The following CDC73 variants were observed in gnomAD, a reference collection of about 807,000 sequenced individuals.
CDC73 encodes cell division cycle 73.
A neutral mutation model predicts 83.7 loss-of-function variants in CDC73; 21 were observed. The ratio of observed to expected loss-of-function variants is 0.25; its 90% confidence interval spans 0.18 to 0.36. The LOEUF (loss-of-function observed/expected upper bound fraction) is 0.36, where lower values mean the gene tolerates loss of function less well. Among genes scored for constraint, CDC73 ranks in the 10% least tolerant of loss-of-function variants. The probability of loss-of-function intolerance (pLI) is 1.00; values close to 1 mark genes in which losing one functional copy is unlikely to be tolerated. For missense variants in CDC73, 342 were observed against 653.3 expected (o/e 0.52, Z 5.19); for synonymous variants, 224 against 212.9 (o/e 1.05, Z -0.45).
At chr1:193,214,281 TATGTATA>T (rs1299947516) in intron 13 of CDC73, among the ~76,000 whole-genome samples, 5 of 152,250 alleles carry the variant, frequency 3.3e-5, no homozygotes, top group Non-Finnish European at 7.3e-5. Context: ...TCCAGGTGTT[TATGTATA>T]AAGTTCCCGT....
intron 13 of CDC73, among the ~76,000 whole-genome samples, chr1:193,219,934 A>G (rs1572206944): frequency 6.6e-6 from 1 of 152,200 alleles, no homozygotes; most frequent in Non-Finnish European, 1.5e-5. Context: ...TCTTGATAGT[A>G]GTGTGATAAT....
At chr1:193,174,011 G>A (rs1676563108) in intron 10 of CDC73, among the ~76,000 whole-genome samples, 1 of 152,062 alleles carries the variant, frequency 6.6e-6, no homozygotes, top group South Asian at 2.1e-4. Flanking sequence ...CATTCCTGAA[G>A]AAAGTCTTAA....
chr1:193,211,429 C>A (rs1677278982), intron 11 of CDC73, among the ~76,000 whole-genome samples: 1 of 152,124 alleles, frequency 6.6e-6, no homozygotes. Context: ...TTTTTCTCTT[C>A]AACTTAGTAG....
chr1:193,240,307 A>G (rs1427862419), intron 15 of CDC73, among the ~76,000 whole-genome samples: 3 of 152,222 alleles, frequency 2.0e-5, no homozygotes, highest in Non-Finnish European at 4.4e-5. Context: ...TGTTGTGAAT[A>G]GTGCTACAGT....
At chr1:193,153,135 A>G (rs1676150592) in intron 10 of CDC73, among the ~76,000 whole-genome samples, 1 of 152,198 alleles carries the variant, frequency 6.6e-6, no homozygotes, top group Middle Eastern at 3.2e-3. Context: ...AATGCTTACA[A>G]AGTATGTAAT....
chr1:193,132,260 C>T (rs1356351250), intron 3 of CDC73, among the ~76,000 whole-genome samples: 1 of 152,164 alleles, frequency 6.6e-6, no homozygotes, highest in Non-Finnish European at 1.5e-5. Context: ...GGAATGCTTT[C>T]TTCCTATGCT....
intron 13 of CDC73, among the ~76,000 whole-genome samples, chr1:193,213,578 A>C (rs1442834274): frequency 6.6e-6 from 1 of 152,198 alleles, no homozygotes; most frequent in Non-Finnish European, 1.5e-5. Context: ...AGTTGGAGCG[A>C]AGGTGGTTAA....
intron 10 of CDC73, among the ~76,000 whole-genome samples, chr1:193,192,671 G>T (rs546699969): frequency 6.6e-6 from 1 of 152,150 alleles, no homozygotes; most frequent in South Asian, 2.1e-4. Flanking sequence ...GATGAATAAC[G>T]TACTCAGACA....
intron 10 of CDC73, among the ~76,000 whole-genome samples, chr1:193,162,259 A>AT (rs1676345051): frequency 9.1e-5 from 11 of 120,620 alleles, no homozygotes; most frequent in South Asian, 4.7e-4. Flanking sequence ...TAAATATAGT[A>AT]TATATAATAG....
At chr1:193,158,830 T>C (rs1340616745) in intron 10 of CDC73, among the ~76,000 whole-genome samples, 1 of 152,198 alleles carries the variant, frequency 6.6e-6, no homozygotes, top group Non-Finnish European at 1.5e-5. Context: ...TAAGATAGTA[T>C]GTATATAATA....
intron 10 of CDC73, among the ~76,000 whole-genome samples, chr1:193,174,949 A>G (rs1458339675): frequency 2.0e-5 from 3 of 152,198 alleles, no homozygotes; most frequent in Non-Finnish European, 4.4e-5. Flanking sequence ...TCATTGAGTC[A>G]AGTTGTAATT....
At chr1:193,130,557 G>A (rs938689522) in intron 3 of CDC73, among the ~76,000 whole-genome samples, 7 of 152,126 alleles carry the variant, frequency 4.6e-5, no homozygotes, top group Non-Finnish European at 8.8e-5. Flanking sequence ...AATACCTACA[G>A]TAAGATTTCA....
intron 10 of CDC73, chr1:193,181,194 G>A (rs1371336341): frequency 2.5e-6 from 4 of 1,613,424 alleles, no homozygotes; most frequent in South Asian, 2.2e-5. Context: ...CTTTTTCATT[G>A]TAAATACTTC....
intron 10 of CDC73, among the ~76,000 whole-genome samples, chr1:193,174,259 C>T (rs935138145): frequency 1.3e-5 from 2 of 152,062 alleles, no homozygotes; most frequent in Admixed American, 1.3e-4. Context: ...CTTAATAAGA[C>T]TGATTCCTTC....
chr1:193,148,301 T>G (rs532661721), intron 8 of CDC73, among the ~76,000 whole-genome samples: 1 of 152,250 alleles, frequency 6.6e-6, no homozygotes, highest in South Asian at 2.1e-4. Flanking sequence ...CATAAATCCC[T>G]GTTAACTCCC....
rs533552763 is a variant in CDC73, at chr1:193,151,671, C to T, written c.908-709C>T. ...ATTGCTGTAGCTCACACCTGTAATC[C>T]CAGCACTTTTGGAGGTGGAGGCAGG... On this transcript the variant is annotated intron_variant, in intron 9 of 16. Coordinates refer to ENST00000367435, the MANE Select transcript of CDC73 (RefSeq NM_024529.5). Among the ~76,000 whole-genome samples the T allele has an allele frequency of 3.3e-5, 5 of 152,238 alleles. 1 individual carries two copies. The South Asian group carries it at 6.2e-4, about 19-fold the overall frequency.
At chr1:193,238,161 T>A (rs576714824) in intron 15 of CDC73, among the ~76,000 whole-genome samples, 2 of 152,342 alleles carry the variant, frequency 1.3e-5, no homozygotes, top group East Asian at 3.9e-4. Context: ...TTAACAATCA[T>A]CAGTGATTTA....
intron 10 of CDC73, among the ~76,000 whole-genome samples, chr1:193,192,435 A>G (rs1676935051): frequency 6.6e-6 from 1 of 152,176 alleles, no homozygotes; most frequent in African/African-American, 2.4e-5. Flanking sequence ...AGAGTGAGAC[A>G]CTGTCTCATA....
In CDC73 at chr1:193,235,510, A is replaced by T. The variant is rs577052850; in HGVS notation, c.1317-746A>T. Among the ~76,000 whole-genome samples, 18 of 152,232 alleles carry T rather than the reference A, an allele frequency of 1.2e-4. No individual in the cohort carries two copies. In the South Asian group the frequency reaches 3.5e-3, roughly 30 times the overall value. ...GTTGTTGTTTTGTTCCCACCGCTTT[A>T]GTTATTGGCTTTAACTGTTTATGGC... On this transcript the variant is annotated intron_variant, in intron 14 of 16. Coordinates refer to ENST00000367435, the MANE Select transcript of CDC73 (RefSeq NM_024529.5).
Sources: gnomAD v4.1 joint callset for allele counts (sites outside exome capture counted in the v4.1 genomes callset) on GRCh38, gnomAD v4.1.1 for gene constraint, MANE v1.5 for transcripts, NCBI Gene and HGNC (gene_info 2026-07-23, HGNC 2026-07-21) for gene names.